The following ELMOD1 variants were observed in gnomAD, a reference collection of about 807,000 sequenced individuals.
ELMOD1 encodes the protein ELMO domain-containing protein 1.
Under a neutral mutation model 46.7 loss-of-function variants are expected in ELMOD1, and 21 were observed. The ratio of observed to expected loss-of-function variants is 0.45; its 90% CI spans 0.32 to 0.65. The LOEUF is 0.65. Ranked by LOEUF, ELMOD1 falls within the 30% of genes least tolerant of loss-of-function variation. The pLI is 0.04. For missense variants in ELMOD1, 348 were observed against 407.8 expected, an observed-to-expected ratio of 0.85 and a Z score of 1.26; for synonymous variants, 122 against 138.2, an observed-to-expected ratio of 0.88 and a Z score of 0.82.
At chr11:107,659,106 A>G (rs765719595) in intron 11 of ELMOD1, among the ~76,000 whole-genome samples, 3 of 152,180 alleles carry the variant, frequency 2.0e-5, no homozygotes, top group Non-Finnish European at 4.4e-5. Context: ...GCAAAAGAGT[A>G]TGTGGATTTA....
At chr11:107,630,926 G>A (rs1233005063) in intron 4 of ELMOD1, among the ~76,000 whole-genome samples, 198 bp downstream of exon 4, 3 of 152,158 alleles carry the variant, frequency 2.0e-5, no homozygotes, top group Admixed American at 2.0e-4. Context: ...TTTCTAGGCA[G>A]TTTGTGAAGT....
rs189229428 is a variant in ELMOD1 at position 107,651,318 on chromosome 11, G to A, written c.647+410G>A. 3.3e-3 allele frequency among the ~76,000 whole-genome samples: 504 copies of A among 152,268 alleles called. 4 individuals carry two copies. Among genetic ancestry groups the A allele is most frequent in the African/African-American group, 0.012 (488 of 41,558 alleles). On this transcript the variant is annotated intron_variant, in intron 9 of 11. Coordinates refer to ENST00000265840, the MANE Select transcript of ELMOD1 (RefSeq NM_018712.4). The stretch of plus-strand genomic sequence containing the variant: ...ATAAATGATAGTTTTGTGTGTGTGT[G>A]TTAGTCACTCTTCTTAGAAGGAGTT...
chr11:107,597,337 A>C (rs1865509158), intron 1 of ELMOD1, among the ~76,000 whole-genome samples: 1 of 152,170 alleles, frequency 6.6e-6, no homozygotes, highest in Non-Finnish European at 1.5e-5. Context: ...TAGTTTACCA[A>C]CAGTTTGGTT....
At chr11:107,631,529 TTAA>T (rs1866140349) in intron 4 of ELMOD1, 48 bp from the exon 5 acceptor site, 2 of 1,197,710 alleles carry the variant, frequency 1.7e-6, no homozygotes, top group Non-Finnish European at 2.3e-6. Flanking sequence ...TAGATACTGA[TTAA>T]GCCTCTGGTG....
rs143381456 is a variant in ELMOD1, at chr11:107,602,673, G to A, written c.-86+11264G>A. ...TTTTTCTTTTATCTATGAAAATTATGATGTTTTAATAGTTTTCTTGTCTTT... is the reference window on the plus strand; with the variant it reads ...TTTTTCTTTTATCTATGAAAATTATAATGTTTTAATAGTTTTCTTGTCTTT... On this transcript the variant is annotated intron_variant, in intron 1 of 11. Transcript: ENST00000265840. Among the ~76,000 whole-genome samples the A allele has an allele frequency of 3.2e-3, 482 of 149,302 alleles. 2 individuals are homozygous for A. The highest frequency in any genetic ancestry group is 0.011 in the African/African-American group (447 of 40,912).
intron 1 of ELMOD1, among the ~76,000 whole-genome samples, chr11:107,605,544 G>A (rs1365687734): frequency 6.6e-6 from 1 of 152,142 alleles, no homozygotes; most frequent in African/African-American, 2.4e-5. Context: ...CCATTTTGCT[G>A]CCTCCATGAA....
chr11:107,603,563 A>T lies in ELMOD1; in HGVS notation c.-86+12154A>T, dbSNP rs1343567015. Among the ~76,000 whole-genome samples, 3 of 151,744 alleles carry T rather than the reference A, an allele frequency of 2.0e-5. No individual in the cohort carries two copies. In the South Asian group the frequency reaches 6.2e-4, roughly 32 times the overall value. On this transcript the variant is annotated intron_variant, in intron 1 of 11. Transcript: ENST00000265840. ...TTAAAAAACAAAACCAACAACAACA[A>T]CAACAAAACCTTTCAACCAAGCCTC...
At chr11:107,662,297 C>A (rs1431942655) in intron 11 of ELMOD1, among the ~76,000 whole-genome samples, 7 of 152,154 alleles carry the variant, frequency 4.6e-5, no homozygotes, top group African/African-American at 1.7e-4. Context: ...GTGCAAGCCA[C>A]CATAGCTAGC....
chr11:107,609,231 G>T (rs1282971078), intron 1 of ELMOD1, among the ~76,000 whole-genome samples: 1 of 152,168 alleles, frequency 6.6e-6, no homozygotes, highest in African/African-American at 2.4e-5. Context: ...TTTAAGCTAA[G>T]ACTTAACTTT....
At chr11:107,635,905 A>T in intron 6 of ELMOD1, 140 bp downstream of exon 6, 1 of 828,936 alleles carries the variant, frequency 1.2e-6, no homozygotes, top group Non-Finnish European at 1.7e-6. Flanking sequence ...TGGTAAGGTC[A>T]AGTTTTCTCG....
At chr11:107,630,673 T>C in intron 3 of ELMOD1, 27 bp from the exon 4 acceptor site, 1 of 1,607,310 alleles carries the variant, frequency 6.2e-7, no homozygotes, top group Middle Eastern at 1.7e-4. Context: ...AATCTTTGAA[T>C]GACTGTTTTT....
intron 1 of ELMOD1, chr11:107,593,120 A>G (rs1445138242): frequency 1.3e-5 from 2 of 152,676 alleles, no homozygotes; most frequent in Non-Finnish European, 2.9e-5. Flanking sequence ...CCGCAGTTAC[A>G]TCACAGGCTC....
At chr11:107,652,989 A>T (rs1866551825) in intron 9 of ELMOD1, among the ~76,000 whole-genome samples, 1 of 152,248 alleles carries the variant, frequency 6.6e-6, no homozygotes, top group African/African-American at 2.4e-5. Flanking sequence ...GTTCAAATGC[A>T]AACTACAGTT....
chr11:107,606,997 C>G, intron 1 of ELMOD1, among the ~76,000 whole-genome samples: 1 of 152,160 alleles, frequency 6.6e-6, no homozygotes, highest in Non-Finnish European at 1.5e-5. Context: ...TACATACATA[C>G]TAATCATAGT....
Position 107,607,733 on chromosome 11 carries a change from C to T in ELMOD1, c.-85-10372C>T, listed in dbSNP as rs115492846. Among the ~76,000 whole-genome samples the T allele has an allele frequency of 5.2e-3, 799 of 152,284 alleles. 3 individuals are homozygous for T. Among genetic ancestry groups the T allele is most frequent in the African/African-American group, 0.016 (648 of 41,554 alleles). Reference sequence around the variant, plus strand: ...AACCAAACTCGCTACAGGCTTCCTTCTGATACCCAGATCAGCTTTGGATCA... The same window carrying T: ...AACCAAACTCGCTACAGGCTTCCTTTTGATACCCAGATCAGCTTTGGATCA... On this transcript the variant is annotated intron_variant, in intron 1 of 11. Transcript: ENST00000265840.
At chr11:107,638,358 TATTTC>T (rs1446713609) in intron 6 of ELMOD1, among the ~76,000 whole-genome samples, 1 of 152,208 alleles carries the variant, frequency 6.6e-6, no homozygotes, top group Non-Finnish European at 1.5e-5. Context: ...TTTCTGGCAT[TATTTC>T]ATTTCATTAT....
chr11:107,607,221 C>T (rs1293270858), intron 1 of ELMOD1, among the ~76,000 whole-genome samples: 1 of 152,172 alleles, frequency 6.6e-6, no homozygotes, highest in Non-Finnish European at 1.5e-5. Context: ...AGAAGGGCCA[C>T]ATGTACATAC....
At chr11:107,611,496 C>T (rs1055358675) in intron 1 of ELMOD1, among the ~76,000 whole-genome samples, 5 of 151,880 alleles carry the variant, frequency 3.3e-5, no homozygotes, top group African/African-American at 9.7e-5. Context: ...GTCAGGAGAT[C>T]GAGACCATCC....
intron 1 of ELMOD1, among the ~76,000 whole-genome samples, chr11:107,606,162 C>T (rs1210826508): frequency 6.6e-6 from 1 of 152,164 alleles, no homozygotes. Context: ...CTAGGTCTTC[C>T]TTGCATAGGC....
Sources: gnomAD v4.1 joint callset for allele counts (sites outside exome capture counted in the v4.1 genomes callset) on GRCh38, gnomAD v4.1.1 for gene constraint, MANE v1.5 for transcripts, NCBI Gene and HGNC (gene_info 2026-07-23, HGNC 2026-07-21) for gene names.